PLXNA4: variants seen among roughly 807,000 people sequenced by gnomAD.
The protein encoded by PLXNA4 is plexin-A4.
Under a neutral mutation model 191.8 loss-of-function variants are expected in PLXNA4, and 44 were observed. The ratio of observed to expected loss-of-function variants is 0.23; its 90% CI spans 0.18 to 0.29. The LOEUF (loss-of-function observed/expected upper bound fraction) is 0.29, where lower values mean the gene tolerates loss of function less well. Ranked by LOEUF, PLXNA4 falls within the 10% of genes least tolerant of loss-of-function variation. PLXNA4 has a pLI of 1.00. For missense variants in PLXNA4, 1,800 were observed against 2,488.8 expected (o/e 0.72, Z 5.89); for synonymous variants, 1,082 against 1,009.5 (o/e 1.07, Z -1.36).
intron 2 of PLXNA4, among the ~76,000 whole-genome samples, chr7:132,489,796 C>T (rs1797710753): frequency 6.6e-6 from 1 of 151,794 alleles, no homozygotes; most frequent in African/African-American, 2.4e-5. Context: ...TCATCATCCT[C>T]ACGTGGAAAA....
intron 3 of PLXNA4, chr7:132,385,353 G>A: frequency 6.5e-7 from 1 of 1,536,272 alleles, no homozygotes; most frequent in Admixed American, 2.2e-5. Context: ...ATGCCCATAA[G>A]CCTCCTTATT....
chr7:132,168,375 C>T lies in PLXNA4; in HGVS notation c.4215G>A (p.Leu1405=), dbSNP rs1206476644. ...QSKLEYATDV[L]KQLLADLIDK... ...CAATGAGGTCGGCCAGCAGCTGCTTCAGCACATCAGTGGCGTACTCCAGCT... is the reference window on the plus strand; with the variant it reads ...CAATGAGGTCGGCCAGCAGCTGCTTTAGCACATCAGTGGCGTACTCCAGCT... Residue 1405 remains leucine (L), a synonymous_variant, in exon 22 of 32, where the codon CTG becomes CTA. Coordinates refer to ENST00000321063, the MANE Select transcript of PLXNA4 (RefSeq NM_020911.2). The T allele has an allele frequency of 7.4e-6, 12 of 1,611,110 alleles. No individual in the cohort carries two copies. The highest frequency in any genetic ancestry group is 9.3e-6 in the Non-Finnish European group (11 of 1,178,110).
chr7:132,525,086 G>A (rs1400947409), intron 1 of PLXNA4, among the ~76,000 whole-genome samples: 2 of 151,888 alleles, frequency 1.3e-5, no homozygotes, highest in African/African-American at 2.4e-5. Context: ...CTCACCCCCT[G>A]CCCCTGACAA....
chr7:132,589,022 G>C (rs534010154), intron 2 of PLXNA4, among the ~76,000 whole-genome samples: 6 of 152,142 alleles, frequency 3.9e-5, no homozygotes, highest in Non-Finnish European at 8.8e-5. Flanking sequence ...AAACTTCATT[G>C]TAATTGTAGA....
At chr7:132,341,833 C>G (rs1490160496) in intron 3 of PLXNA4, among the ~76,000 whole-genome samples, 2 of 152,152 alleles carry the variant, frequency 1.3e-5, no homozygotes, top group Non-Finnish European at 2.9e-5. Flanking sequence ...TACTGAATGA[C>G]AGTTACATAA....
chr7:132,635,189 T>C (rs1803574610), intron 2 of PLXNA4, among the ~76,000 whole-genome samples: 1 of 148,046 alleles, frequency 6.8e-6, no homozygotes, highest in South Asian at 2.2e-4. Context: ...TATATATATA[T>C]ATATATATAT....
rs1240703639 is a variant in PLXNA4 at position 132,145,276 on chromosome 7, T to C, written c.5068A>G (p.Lys1690Glu). ...RLLATKGTLQKFVDDLFETIF... is the reference protein window; with the variant it reads ...RLLATKGTLQEFVDDLFETIF... The stretch of plus-strand genomic sequence containing the variant: ...GTCTCAAAGAGGTCATCCACAAACT[T>C]CTGCAGTGTGCCCTGGAGAGGCAGG... Residue 1690 changes from lysine to glutamate, a missense_variant, in exon 29 of 32, where the codon AAG becomes GAG. Physicochemically the swap from Lys to Glu is moderately conservative, Grantham distance 56. Transcript: ENST00000321063. 2 of 1,614,036 alleles carry C rather than the reference T, an allele frequency of 1.2e-6. No individual in the cohort carries two copies. Among genetic ancestry groups the C allele is most frequent in the Non-Finnish European group, 1.7e-6 (2 of 1,180,022 alleles).
chr7:132,194,253 C>T (rs1797182276), intron 13 of PLXNA4, 74 bp from the exon 14 acceptor site: 10 of 1,517,172 alleles, frequency 6.6e-6, no homozygotes, highest in Middle Eastern at 2.1e-4. Context: ...CAGCACCTAC[C>T]CAGGTCCCTT....
At chr7:132,260,962 C>G (rs75776525) in intron 4 of PLXNA4, among the ~76,000 whole-genome samples, 2,484 of 152,168 alleles carry the variant, frequency 0.016, 64 homozygotes, top group African/African-American at 0.056. Context: ...TAGTGGTGGA[C>G]AGTGGGAGGA....
rs774498535 is a variant in PLXNA4, at chr7:132,228,415, C to G, written c.1659G>C (p.Ser553=). The change falls in exon 6 of 32, where the codon TCG becomes TCC. Residue 553 remains serine (S), a synonymous_variant. Transcript: ENST00000321063. ...TCAGCCGGACACACTGCTTCATCTC[C>G]GAGGCAAACCTGCGGGGCTCCTTGG... ...ERSKEPRRFA[S]EMKQCVRLTV... is the part of the protein sequence containing the mutation. 6.2e-7 allele frequency: 1 copy of G among 1,614,152 alleles called. No homozygotes were observed. The highest frequency in any genetic ancestry group is 8.5e-7 in the Non-Finnish European group (1 of 1,180,030).
chr7:132,207,094 C>T (rs575607956), intron 10 of PLXNA4, among the ~76,000 whole-genome samples: 11 of 152,164 alleles, frequency 7.2e-5, no homozygotes, highest in Admixed American at 1.3e-4. Flanking sequence ...GATATTTTGC[C>T]GGAAAGTTCT....
At chr7:132,448,086 C>T (rs1795980369) in intron 3 of PLXNA4, among the ~76,000 whole-genome samples, 2 of 152,306 alleles carry the variant, frequency 1.3e-5, no homozygotes, top group African/African-American at 4.8e-5. Flanking sequence ...GCTTCTGTCT[C>T]TGATAAGTAC....
intron 4 of PLXNA4, among the ~76,000 whole-genome samples, chr7:132,242,121 G>A (rs142351059): frequency 6.5e-4 from 95 of 146,362 alleles, no homozygotes; most frequent in African/African-American, 2.0e-3. Flanking sequence ...TTTATTCTCC[G>A]TTTTGCCGGT....
intron 3 of PLXNA4, among the ~76,000 whole-genome samples, chr7:132,315,735 T>G (rs556724048): frequency 6.6e-6 from 1 of 151,990 alleles, no homozygotes; most frequent in East Asian, 1.9e-4. Context: ...CCCAGAAGAG[T>G]GGCAATGTGA....
rs7779812 is a variant in PLXNA4, at chr7:132,325,468, T to C, written c.1372-27246A>G. ...GCCCCAGTACCTGTGAATGTGACTT[T>C]ACTTGGAAATAGAATATTTGCAGAA... On this transcript the variant is annotated intron_variant, in intron 3 of 31. Coordinates refer to ENST00000321063, the MANE Select transcript of PLXNA4 (RefSeq NM_020911.2). 4.0e-3 allele frequency among the ~76,000 whole-genome samples: 605 copies of C among 152,342 alleles called. 2 individuals are homozygous for C. Among genetic ancestry groups the C allele is most frequent in the African/African-American group, 0.014 (566 of 41,572 alleles).
At position 132,126,787 on chromosome 7, in the gene PLXNA4, G is replaced by A. The variant is rs1451214588; in HGVS notation, c.*3692C>T. 1.3e-5 allele frequency: 2 copies of A among 152,216 alleles called. No individual in the cohort carries two copies. Among genetic ancestry groups the A allele is most frequent in the African/African-American group, 4.8e-5 (2 of 41,438 alleles). 9.4% of individuals were successfully genotyped at this position (152,216 alleles called of 1,614,324 possible). A position where few individuals can be genotyped will look rare whatever the true frequency, so the allele number is the denominator to read the frequency against. ...GGGGTAGGCTTTAGGGGCTGGCTTT[G>A]GGTGCAGGGATCATGCTGCCATTGG... On this transcript the variant is annotated 3_prime_UTR_variant, in exon 32 of 32. Coordinates refer to ENST00000321063, the MANE Select transcript of PLXNA4 (RefSeq NM_020911.2).
At chr7:132,497,661 C>T (rs991713169) in intron 2 of PLXNA4, among the ~76,000 whole-genome samples, 3 of 152,166 alleles carry the variant, frequency 2.0e-5, no homozygotes, top group African/African-American at 7.2e-5. Flanking sequence ...TAGCCCTCCC[C>T]AGAAGGTCTG....
At chr7:132,136,633 T>A (rs997990509) in intron 30 of PLXNA4, among the ~76,000 whole-genome samples, 2 of 152,170 alleles carry the variant, frequency 1.3e-5, no homozygotes, top group African/African-American at 2.4e-5. Flanking sequence ...TCTGTGGATT[T>A]CTATGGGGTA....
intron 2 of PLXNA4, among the ~76,000 whole-genome samples, chr7:132,500,090 T>C (rs1287980778): frequency 6.6e-6 from 1 of 152,170 alleles, no homozygotes; most frequent in Non-Finnish European, 1.5e-5. Flanking sequence ...TTACAAAAAC[T>C]AAGGGACATG....
Sources: gnomAD v4.1 joint callset for allele counts (sites outside exome capture counted in the v4.1 genomes callset) on GRCh38, gnomAD v4.1.1 for gene constraint, MANE v1.5 for transcripts, NCBI Gene and HGNC (gene_info 2026-07-23, HGNC 2026-07-21) for gene names.